The following WDR93 variants were observed in gnomAD, a reference collection of about 807,000 sequenced individuals.
WDR93 encodes the protein WD repeat-containing protein 93.
In WDR93, 73 loss-of-function variants were observed where a neutral mutation model predicts 82.9. The observed-to-expected ratio is 0.88, with a 90% CI of 0.73 to 1.07. WDR93 has a LOEUF of 1.07. WDR93 is among the 50% of genes least tolerant of loss of function. The probability of loss-of-function intolerance (pLI) is 0.00; values close to 1 mark genes in which losing one functional copy is unlikely to be tolerated. For synonymous variants in WDR93, 283 were observed against 300.1 expected, an observed-to-expected ratio of 0.94 and a Z score of 0.59; for missense variants, 738 against 826.0, an observed-to-expected ratio of 0.89 and a Z score of 1.31.
At chr15:89,732,681 C>T (rs373829286) in intron 12 of WDR93, among the ~76,000 whole-genome samples, 10 of 152,160 alleles carry the variant, frequency 6.6e-5, no homozygotes, top group South Asian at 2.1e-4. Context: ...CCTGCCCATA[C>T]GCCTTTGCAT....
chr15:89,711,952 A>C, intron 4 of WDR93, 74 bp from the exon 5 acceptor site: 2 of 1,215,732 alleles, frequency 1.6e-6, no homozygotes, highest in South Asian at 2.8e-5. Flanking sequence ...CTGGGTGCAG[A>C]CCACAGAAGG....
rs115029529 is a variant in WDR93 at position 89,705,367 on chromosome 15, C to T, written c.497-187C>T. On this transcript the variant is annotated intron_variant, in intron 3 of 16. Transcript: ENST00000268130. ...AGAGGACCCAGGAAGGAAAACAACC[C>T]GAACATTCAAGAGGGGTGGAGGAAG... 1,614 of 598,656 alleles carry T rather than the reference C, an allele frequency of 2.7e-3. 18 individuals carry two copies. The highest frequency in any genetic ancestry group is 0.024 in the African/African-American group (1,281 of 52,958). 37.1% of individuals were successfully genotyped at this position (598,656 alleles called of 1,614,324 possible). A position where few individuals can be genotyped will look rare whatever the true frequency, so the allele number is the denominator to read the frequency against.
In WDR93 at chr15:89,705,633, T is replaced by C. The variant is rs1170622964; in HGVS notation, c.561+15T>C. On this transcript the variant is annotated intron_variant, in intron 4 of 16. Transcript: ENST00000268130. ...TCAATGAAGTGGTGAGTTCCTATTC[T>C]TTCACCATTAGCTGGGCCAAAAGCT... 2.7e-6 allele frequency: 4 copies of C among 1,507,494 alleles called. No homozygotes were observed. Among genetic ancestry groups the C allele is most frequent in the East Asian group, 4.5e-5 (2 of 44,550 alleles). 93.4% of individuals were successfully genotyped at this position (1,507,494 alleles called of 1,614,324 possible).
At position 89,715,108 on chromosome 15, in the gene WDR93, TCTG is replaced by T. The variant is rs1214871898; in HGVS notation, c.756+16_756+18del. The T allele has an allele frequency of 6.2e-7, 1 of 1,609,602 alleles. No individual in the cohort carries two copies. Among genetic ancestry groups the T allele is most frequent in the Admixed American group, 1.7e-5 (1 of 59,688 alleles). ...ACAGCCGCAACTGGTAGGAAATATC[TCTG>T]CTTTCAGCTGATATGTTTCTCCCTA... is the stretch of plus-strand genomic sequence containing the variant. On this transcript the variant is annotated intron_variant, in intron 6 of 16. Coordinates refer to ENST00000268130, the MANE Select transcript of WDR93 (RefSeq NM_020212.2).
intron 5 of WDR93, 26 bp from the exon 6 acceptor site, chr15:89,714,954 A>G: frequency 5.0e-6 from 8 of 1,594,864 alleles, no homozygotes; most frequent in Non-Finnish European, 6.9e-6. Flanking sequence ...ACAGTTGCTC[A>G]ATGGTTCTCT....
At position 89,722,082 on chromosome 15, in the gene WDR93, A is replaced by C. The variant is rs1966550899; in HGVS notation, c.823A>C (p.Ile275Leu). ...TGCAAATGTTAGTTTTAAAGGAGAC[A>C]TTAAATTGAGTCTTCCAGTTTACAT... ...MDANVSFKGDIKLSLPVYIMK... is the reference protein window; with the variant it reads ...MDANVSFKGDLKLSLPVYIMK... Residue 275 changes from isoleucine to leucine, a missense_variant, in exon 8 of 17, where the codon ATT (isoleucine) becomes CTT (leucine). Ile to Leu is a conservative substitution (Grantham distance 5). Transcript: ENST00000268130. The C allele has an allele frequency of 3.1e-6, 5 of 1,610,134 alleles. No individual in the cohort carries two copies. The highest frequency in any genetic ancestry group is 4.2e-6 in the Non-Finnish European group (5 of 1,178,590).
At chr15:89,736,233 G>A (rs1596124468) in intron 14 of WDR93, among the ~76,000 whole-genome samples, 1 of 152,218 alleles carries the variant, frequency 6.6e-6, no homozygotes, top group African/African-American at 2.4e-5. Flanking sequence ...GGAGAGGGAA[G>A]CGTGCGCGGT....
At chr15:89,719,933 G>A (rs1966446570) in intron 7 of WDR93, among the ~76,000 whole-genome samples, 1 of 151,898 alleles carries the variant, frequency 6.6e-6, no homozygotes, top group South Asian at 2.1e-4. Context: ...CCGAGTAGCT[G>A]GGATTACAGG....
At chr15:89,727,035 C>A in intron 8 of WDR93, 122 bp from the exon 9 acceptor site, 2 of 1,138,884 alleles carry the variant, frequency 1.8e-6, no homozygotes, top group Non-Finnish European at 1.3e-6. Flanking sequence ...AATTGCAGAG[C>A]AAGAATCGAT....
At chr15:89,732,643 C>CACT (rs1596117280) in intron 12 of WDR93, among the ~76,000 whole-genome samples, 1 of 136,420 alleles carries the variant, frequency 7.3e-6, no homozygotes, top group African/African-American at 2.9e-5. Context: ...ACACACACAC[C>CACT]GCCTTTTCTG....
intron 1 of WDR93, among the ~76,000 whole-genome samples, chr15:89,697,843 C>T (rs897758258): frequency 2.0e-5 from 3 of 149,816 alleles, no homozygotes; most frequent in African/African-American, 7.4e-5. Flanking sequence ...ACATTTAGGA[C>T]TTTTATACCC....
At chr15:89,693,764 G>C (rs919852166) in intron 1 of WDR93, among the ~76,000 whole-genome samples, 4 of 152,178 alleles carry the variant, frequency 2.6e-5, no homozygotes, top group African/African-American at 9.7e-5. Context: ...AATTGCTTAA[G>C]GACAGAATTT....
intron 10 of WDR93, 54 bp downstream of exon 10, chr15:89,729,147 C>G: frequency 6.6e-7 from 1 of 1,513,488 alleles, no homozygotes; most frequent in Non-Finnish European, 9.2e-7. Context: ...CTTGGGGAAA[C>G]CCCTCAGCAA....
At chr15:89,706,716 G>A (rs1357211020) in intron 4 of WDR93, among the ~76,000 whole-genome samples, 8 of 151,910 alleles carry the variant, frequency 5.3e-5, no homozygotes, top group Non-Finnish European at 1.2e-4. Flanking sequence ...GGCAGGCAGA[G>A]ATTTCTTAGG....
intron 1 of WDR93, among the ~76,000 whole-genome samples, chr15:89,692,250 C>A (rs973599929): frequency 1.3e-5 from 2 of 152,190 alleles, no homozygotes; most frequent in African/African-American, 4.8e-5. Flanking sequence ...GCCATGGTGT[C>A]ATTTGGGCAG....
chr15:89,736,737 G>C (rs1205492292), intron 14 of WDR93, among the ~76,000 whole-genome samples: 2 of 151,846 alleles, frequency 1.3e-5, no homozygotes, highest in African/African-American at 4.8e-5. Flanking sequence ...AGACCCTCTT[G>C]TGTGGGGAGG....
At chr15:89,709,572 A>G (rs1965869685) in intron 4 of WDR93, among the ~76,000 whole-genome samples, 1 of 151,958 alleles carries the variant, frequency 6.6e-6, no homozygotes, top group South Asian at 2.1e-4. Flanking sequence ...AGAACTCCAA[A>G]TCAGTAATAA....
chr15:89,712,231 A>C, intron 5 of WDR93, 127 bp downstream of exon 5: 2 of 733,592 alleles, frequency 2.7e-6, no homozygotes, highest in Non-Finnish European at 4.3e-6. Context: ...GTTGCAAAGA[A>C]ATTACAGAGT....
chr15:89,691,551 C>T (rs1964883970), intron 1 of WDR93, among the ~76,000 whole-genome samples: 2 of 152,112 alleles, frequency 1.3e-5, no homozygotes, highest in Admixed American at 1.3e-4. Flanking sequence ...AACCCCGTCT[C>T]TACTAAAAAT....
Sources: allele counts gnomAD v4.1 joint callset (sites outside exome capture counted in the v4.1 genomes callset), GRCh38; gene constraint gnomAD v4.1.1; transcripts MANE v1.5; gene names NCBI Gene and HGNC (gene_info 2026-07-23, HGNC 2026-07-21).